The following LZTR1 variants were observed in gnomAD, a reference collection of about 807,000 sequenced individuals.
LZTR1 encodes leucine-zipper-like transcriptional regulator 1.
LZTR1 carries 260 observed loss-of-function variants against 105.7 expected under a neutral mutation model. That is an observed-to-expected ratio of 2.46 (90% CI 2.22 to 2.72). The LOEUF (loss-of-function observed/expected upper bound fraction) is 2.72. Ranked by LOEUF, LZTR1 falls within the 30% of genes most tolerant of loss-of-function variation. The probability of loss-of-function intolerance (pLI) is 0.00; values close to 1 mark genes in which losing one functional copy is unlikely to be tolerated. For missense variants in LZTR1, 1,214 were observed against 1,166.9 expected (o/e 1.04, Z -0.59); for synonymous variants, 490 against 476.4 (o/e 1.03, Z -0.37).
At chr22:20,996,853 A>G in intron 19 of LZTR1, 33 bp from the exon 20 acceptor site, 1 of 1,612,356 alleles carries the variant, frequency 6.2e-7, no homozygotes, top group Non-Finnish European at 8.5e-7. Flanking sequence ...AGTGGGTGAA[A>G]GGGGCAGCGC....
intron 2 of LZTR1, among the ~76,000 whole-genome samples, chr22:20,984,095 C>T (rs767767008): frequency 2.0e-4 from 31 of 152,330 alleles, no homozygotes; most frequent in Non-Finnish European, 2.6e-4. Context: ...CTTCCTGCCC[C>T]TCCTCTGATG....
chr22:20,984,775 G>A (rs1924320683), intron 2 of LZTR1, among the ~76,000 whole-genome samples: 1 of 152,122 alleles, frequency 6.6e-6, no homozygotes, highest in Admixed American at 6.5e-5. Flanking sequence ...CCGTTCAGGG[G>A]GCACCCAGCA....
intron 14 of LZTR1, 88 bp from the exon 15 acceptor site, chr22:20,994,470 C>G (rs1473715698): frequency 7.0e-7 from 1 of 1,438,552 alleles, no homozygotes; most frequent in Non-Finnish European, 9.5e-7. Flanking sequence ...GTGGCCCCAG[C>G]CCACACTCTT....
In LZTR1 at chr22:20,996,970, A is replaced by G. The variant is rs754886775; in HGVS notation, c.2406+4A>G. 12 of 1,613,574 alleles carry G rather than the reference A, an allele frequency of 7.4e-6. No individual in the cohort carries two copies. Among genetic ancestry groups the G allele is most frequent in the Non-Finnish European group, 9.3e-6 (11 of 1,179,910 alleles). ...CATTGTGCACCAGTTCACCAAGGTC[A>G]GGGCTCTGGCCTCCCCTTCAGGACT... On this transcript the variant is annotated splice_donor_region_variant and intron_variant, in intron 20 of 20. Transcript: ENST00000646124.
intron 15 of LZTR1, 67 bp downstream of exon 15, chr22:20,994,794 C>T: frequency 6.2e-7 from 1 of 1,607,706 alleles, no homozygotes; most frequent in Non-Finnish European, 8.5e-7. Context: ...CCCTCCCTGC[C>T]CACCACTGTG....
rs979727897 is a variant in LZTR1, at chr22:20,995,743, C to G, written c.1943-3C>G. On this transcript the variant is annotated splice_polypyrimidine_tract_variant and splice_region_variant and intron_variant, in intron 16 of 20. Transcript: ENST00000646124. ...ACCTGCTCAGGGACCCTCCTACCCC[C>G]AGGCACATCTCTGATCCAGGACATG... 3.7e-6 allele frequency: 6 copies of G among 1,613,404 alleles called. No individual in the cohort carries two copies. Among genetic ancestry groups the G allele is most frequent in the African/African-American group, 2.7e-5 (2 of 74,904 alleles).
intron 2 of LZTR1, among the ~76,000 whole-genome samples, 171 bp from the exon 3 acceptor site, chr22:20,985,667 GCCT>G (rs1178161686): frequency 6.6e-6 from 1 of 152,182 alleles, no homozygotes; most frequent in Non-Finnish European, 1.5e-5. Context: ...CAGTTGGGGA[GCCT>G]CCTTTGTGGT....
At position 20,988,804 on chromosome 22, in the gene LZTR1, G is replaced by A. The variant is rs566312604; in HGVS notation, c.525G>A (p.Arg175=). 1.2e-6 allele frequency: 2 copies of A among 1,614,058 alleles called. No homozygotes were observed. Among genetic ancestry groups the A allele is most frequent in the Non-Finnish European group, 1.7e-6 (2 of 1,179,970 alleles). ...CACACTCCAGGTTGCCAGTCGCTAGGTCAGCCCATGGGGCCACGGTGTACA... is the reference window on the plus strand; with the variant it reads ...CACACTCCAGGTTGCCAGTCGCTAGATCAGCCCATGGGGCCACGGTGTACA... The part of the protein sequence containing the change: ...WKIEGRLPVA[R]SAHGATVYSD... Residue 175 remains arginine, a synonymous_variant, in exon 6 of 21, where the codon AGG becomes AGA. Coordinates refer to ENST00000646124, the MANE Select transcript of LZTR1 (RefSeq NM_006767.4).
At chr22:20,984,513 A>G (rs1489446881) in intron 2 of LZTR1, among the ~76,000 whole-genome samples, 1 of 152,018 alleles carries the variant, frequency 6.6e-6, no homozygotes, top group Non-Finnish European at 1.5e-5. Context: ...AGTATGACAA[A>G]GAAATAGGAT....
chr22:20,996,639 C>T (rs1235135739), intron 18 of LZTR1, 57 bp from the exon 19 acceptor site: 4 of 1,475,698 alleles, frequency 2.7e-6, no homozygotes, highest in Non-Finnish European at 3.8e-6. Context: ...CCTGTCCTTC[C>T]CTGGGAGGGT....
chr22:20,991,517 G>T, intron 8 of LZTR1, 111 bp from the exon 9 acceptor site: 1 of 845,102 alleles, frequency 1.2e-6, no homozygotes, highest in South Asian at 1.7e-5. Flanking sequence ...CCCTGGGCTA[G>T]TCACCGTAAG....
At chr22:20,990,003 C>G (rs1448384545) in intron 7 of LZTR1, among the ~76,000 whole-genome samples, 1 of 152,148 alleles carries the variant, frequency 6.6e-6, no homozygotes, top group Non-Finnish European at 1.5e-5. Flanking sequence ...TTTAACGCAC[C>G]CTTTATTTCA....
Position 20,982,479 on chromosome 22 carries a change from C to T in LZTR1, c.108C>T (p.Asp36=), listed in dbSNP as rs1030184546. The T allele has an allele frequency of 7.4e-6, 12 of 1,611,330 alleles. No individual in the cohort carries two copies. The highest frequency in any genetic ancestry group is 1.0e-5 in the Non-Finnish European group (12 of 1,179,074). The change falls in exon 1 of 21, where the codon GAC becomes GAT. Residue 36 remains aspartate (D), a synonymous_variant. Coordinates refer to ENST00000646124, the MANE Select transcript of LZTR1 (RefSeq NM_006767.4). ...PSVDFDHSCS[D]SVEYLTLNFG... is the part of the protein sequence containing the mutation. ...TGGACTTCGACCATAGCTGCTCGGA[C>T]AGTGTCGAGTACCTGACGCTCAACT...
chr22:20,989,726 GGCACGGGGAGCCAGGGCGCAGGTGGA>G, intron 7 of LZTR1, 44 bp downstream of exon 7: 1 of 37,424 alleles, frequency 2.7e-5, no homozygotes, highest in Non-Finnish European at 4.0e-5. Flanking sequence ...GGAGGTGAGG[GGCACGGGGAGCCAGGGCGCAGGTGGA>G]GGAGGTGAGG....
In LZTR1 at chr22:20,997,368, A is replaced by T. The variant is rs73394511; in HGVS notation, c.*20A>T. Reference sequence around the variant, plus strand: ...ATCTGAGGCCCTGTGGCGCCTGCCCATTGTGAAGAATCGCCGTGCCTGCCT... The same window carrying T: ...ATCTGAGGCCCTGTGGCGCCTGCCCTTTGTGAAGAATCGCCGTGCCTGCCT... On this transcript the variant is annotated 3_prime_UTR_variant, in exon 21 of 21. Transcript: ENST00000646124. 1.9e-6 allele frequency: 3 copies of T among 1,557,280 alleles called. No homozygotes were observed. Among genetic ancestry groups the T allele is most frequent in the Non-Finnish European group, 2.7e-6 (3 of 1,129,078 alleles).
intron 20 of LZTR1, 84 bp from the exon 21 acceptor site, chr22:20,997,148 G>T: frequency 8.7e-7 from 1 of 1,154,086 alleles, no homozygotes; most frequent in African/African-American, 1.5e-5. Context: ...GCCCTGAGCA[G>T]GGTAGGCCCC....
chr22:20,988,700 C>A, intron 5 of LZTR1, 89 bp from the exon 6 acceptor site: 1 of 886,480 alleles, frequency 1.1e-6, no homozygotes, highest in Non-Finnish European at 1.9e-6. Flanking sequence ...TGCAGCCTGG[C>A]TGTGGCCCCT....
intron 6 of LZTR1, among the ~76,000 whole-genome samples, chr22:20,989,304 G>A (rs1249322860): frequency 6.6e-5 from 10 of 152,222 alleles, no homozygotes; most frequent in Non-Finnish European, 1.5e-4. Flanking sequence ...AACTCCTAAC[G>A]ATGCAGTGAT....
In LZTR1 at chr22:20,982,446, C is replaced by T. The variant is rs1924228731; in HGVS notation, c.75C>T (p.Ala25=). 1 of 1,593,214 alleles carries T rather than the reference C, an allele frequency of 6.3e-7. No individual in the cohort carries two copies. Among genetic ancestry groups the T allele is most frequent in the Non-Finnish European group, 8.5e-7 (1 of 1,169,612 alleles). The part of the protein sequence containing the change: ...ALAGGARSKV[A]PSVDFDHSCS... ...CAGGCGGCGCGCGGTCCAAGGTAGC[C>T]CCGAGCGTGGACTTCGACCATAGCT... is the stretch of plus-strand genomic sequence containing the variant. Residue 25 remains alanine (A), a synonymous_variant, in exon 1 of 21, where the codon GCC becomes GCT. Coordinates refer to ENST00000646124, the MANE Select transcript of LZTR1 (RefSeq NM_006767.4).
Sources: gnomAD v4.1 joint callset for allele counts (sites outside exome capture counted in the v4.1 genomes callset) on GRCh38, gnomAD v4.1.1 for gene constraint, MANE v1.5 for transcripts, NCBI Gene and HGNC (gene_info 2026-07-23, HGNC 2026-07-21) for gene names.